Variants in TRAPPC6A observed in about 807,000 individuals in gnomAD.
TRAPPC6A encodes the protein trafficking protein particle complex subunit 6A, also known as TRAPP complex subunit 6A.
Under a neutral mutation model 20.8 loss-of-function variants are expected in TRAPPC6A, and 25 were observed. The ratio of observed to expected loss-of-function variants is 1.20; its 90% confidence interval spans 0.88 to 1.68. The LOEUF (loss-of-function observed/expected upper bound fraction) is 1.68. Ranked by LOEUF, TRAPPC6A falls within the 40% of genes most tolerant of loss-of-function variation. The pLI, the probability that TRAPPC6A is intolerant of heterozygous loss-of-function variation, is 0.00. For synonymous variants in TRAPPC6A, 96 were observed against 93.3 expected, an observed-to-expected ratio of 1.03 and a Z score of -0.16; for missense variants, 215 against 211.6, an observed-to-expected ratio of 1.02 and a Z score of -0.10.
intron 1 of TRAPPC6A, among the ~76,000 whole-genome samples, chr19:45,169,863 C>T (rs1220716278): frequency 1.3e-5 from 2 of 152,236 alleles, no homozygotes; most frequent in African/African-American, 4.8e-5. Flanking sequence ...TGGTGGAACA[C>T]GTCTGTGTCC....
intron 1 of TRAPPC6A, 60 bp downstream of exon 1, chr19:45,178,075 C>T (rs751010066): frequency 6.2e-5 from 100 of 1,610,012 alleles, no homozygotes; most frequent in Admixed American, 5.0e-5. Flanking sequence ...GCGCCCTCCG[C>T]TCTCCCAGAG....
chr19:45,165,660 C>A (rs1969136724), intron 1 of TRAPPC6A, among the ~76,000 whole-genome samples: 1 of 152,194 alleles, frequency 6.6e-6, no homozygotes, highest in Non-Finnish European at 1.5e-5. Context: ...TGGAAGTCAA[C>A]CATGATCATC....
Position 45,164,742 on chromosome 19 carries a change from AGCTCTGGGCGGGTCCCGGCAGCCGCT to A in TRAPPC6A, c.270+85_270+110del, listed in dbSNP as rs1236963300. ...CAAGAGCTGCGGCCGCCTGTGGGAA[AGCTCTGGGCGGGTCCCGGCAGCCGCT>A]GCTCTGGCGCCGGGGGATTCCCCTC... On this transcript the variant is annotated intron_variant, in intron 3 of 5. Coordinates refer to ENST00000585934, the MANE Select transcript of TRAPPC6A (RefSeq NM_001270891.2). The A allele has an allele frequency of 2.8e-5, 27 of 972,096 alleles. 1 individual carries two copies. In the African/African-American group the frequency reaches 3.5e-4, roughly 13 times the overall value. 60.2% of individuals were successfully genotyped at this position (972,096 alleles called of 1,614,324 possible). A position where few individuals can be genotyped will look rare whatever the true frequency, so the allele number is the denominator to read the frequency against.
At chr19:45,176,017 G>T (rs895762853) in intron 1 of TRAPPC6A, among the ~76,000 whole-genome samples, 2 of 152,038 alleles carry the variant, frequency 1.3e-5, no homozygotes, top group Non-Finnish European at 2.9e-5. Context: ...TTTAGAGACA[G>T]GGTCTCACTC....
Position 45,163,991 on chromosome 19 carries a change from C to T in TRAPPC6A, c.373G>A (p.Gly125Ser), listed in dbSNP as rs202226323. 49 of 1,575,426 alleles carry T rather than the reference C, an allele frequency of 3.1e-5. No homozygotes were observed. In the East Asian group the frequency reaches 6.9e-4, roughly 22 times the overall value. The change falls in exon 5 of 6, where the codon GGC becomes AGC. Residue 125 changes from glycine to serine, a missense_variant. By Grantham distance (56) the Gly-to-Ser change is moderately conservative. Coordinates refer to ENST00000585934, the MANE Select transcript of TRAPPC6A (RefSeq NM_001270891.2). This position sits in a 1 kb window ranked among gnomAD's most constrained non-coding sequence, Gnocchi z 5.3. ...GTATAGAGGGCGCCGCGCAGGAGGCCGCAGGTGAAGGCCAGGAACTGAGGA... is the reference window on the plus strand; with the variant it reads ...GTATAGAGGGCGCCGCGCAGGAGGCTGCAGGTGAAGGCCAGGAACTGAGGA... ...EAPKFLAFTC[G>S]LLRGALYTLG...
Position 45,173,557 on chromosome 19 carries a change from A to G in TRAPPC6A, c.84+4578T>C, listed in dbSNP as rs1187680759. 1.3e-5 allele frequency among the ~76,000 whole-genome samples: 2 copies of G among 152,202 alleles called. No individual in the cohort carries two copies. The highest frequency in any genetic ancestry group is 2.9e-5 in the Non-Finnish European group (2 of 68,034). ...CGAAATCCCTTCCTCTACCAAGCAC[A>G]GGGTCCCTCCTCTGTGAATCGGGAG... On this transcript the variant is annotated intron_variant, in intron 1 of 5. Coordinates refer to ENST00000585934, the MANE Select transcript of TRAPPC6A (RefSeq NM_001270891.2). The surrounding 1 kb of genome is among the most constrained non-coding windows in gnomAD (Gnocchi z 4.8).
intron 1 of TRAPPC6A, among the ~76,000 whole-genome samples, chr19:45,169,887 G>C (rs962743006): frequency 6.6e-6 from 1 of 152,210 alleles, no homozygotes; most frequent in Non-Finnish European, 1.5e-5. Flanking sequence ...CTCGCTAAGG[G>C]CTCCTTTATG....
intron 1 of TRAPPC6A, 114 bp downstream of exon 1, chr19:45,178,021 C>T: frequency 6.4e-7 from 1 of 1,554,906 alleles, no homozygotes; most frequent in Non-Finnish European, 8.7e-7. Context: ...AGACGTTGCC[C>T]TGCAAGGCCG....
chr19:45,176,652 T>C (rs1969382099), intron 1 of TRAPPC6A, among the ~76,000 whole-genome samples: 1 of 149,000 alleles, frequency 6.7e-6, no homozygotes, highest in South Asian at 2.1e-4. Flanking sequence ...TTTAAACTTA[T>C]GACAGGTTTG....
rs1969062633 is a variant in TRAPPC6A at position 45,163,568 on chromosome 19, G to A, written c.449-345C>T. On this transcript the variant is annotated intron_variant, in intron 5 of 5. Coordinates refer to ENST00000585934, the MANE Select transcript of TRAPPC6A (RefSeq NM_001270891.2). The surrounding 1 kb of genome is among the most constrained non-coding windows in gnomAD (Gnocchi z 5.3). ...TGGTGGGGCAGGCTGTCCCCAGGCA[G>A]GAATGGGGCTCCAGCTTGTCTGACA... 6.6e-6 allele frequency among the ~76,000 whole-genome samples: 1 copy of A among 152,130 alleles called. No homozygotes were observed. Among genetic ancestry groups the A allele is most frequent in the Non-Finnish European group, 1.5e-5 (1 of 68,002 alleles).
intron 1 of TRAPPC6A, among the ~76,000 whole-genome samples, chr19:45,177,644 C>T (rs1969418963): frequency 6.6e-6 from 1 of 152,086 alleles, no homozygotes; most frequent in African/African-American, 2.4e-5. Context: ...TATTTGACTC[C>T]CCTAGTGAAA....
At position 45,173,079 on chromosome 19, in the gene TRAPPC6A, G is replaced by A. The variant is rs1309179773; in HGVS notation, c.84+5056C>T. Among the ~76,000 whole-genome samples the A allele has an allele frequency of 1.3e-5, 2 of 151,556 alleles. No individual in the cohort carries two copies. Among genetic ancestry groups the A allele is most frequent in the Non-Finnish European group, 2.9e-5 (2 of 67,996 alleles). On this transcript the variant is annotated intron_variant, in intron 1 of 5. Coordinates refer to ENST00000585934, the MANE Select transcript of TRAPPC6A (RefSeq NM_001270891.2). This position sits in a 1 kb window ranked among gnomAD's most constrained non-coding sequence, Gnocchi z 4.8. ...GCCTGGCGCAGCAGGGCTATTCTCG[G>A]GGCGCCTCGGGCCTGGTCTCAGACA...
chr19:45,170,783 C>T (rs1385893345), intron 1 of TRAPPC6A, among the ~76,000 whole-genome samples: 2 of 152,194 alleles, frequency 1.3e-5, no homozygotes, highest in African/African-American at 4.8e-5. Context: ...CTGCTGGCCC[C>T]ACTGTACCCA....
chr19:45,176,751 T>C (rs1969383902), intron 1 of TRAPPC6A, among the ~76,000 whole-genome samples: 1 of 152,050 alleles, frequency 6.6e-6, no homozygotes, highest in African/African-American at 2.4e-5. Flanking sequence ...ATGTCTTACA[T>C]GGCCAGGTGC....
At chr19:45,167,227 C>T (rs943059460) in intron 1 of TRAPPC6A, among the ~76,000 whole-genome samples, 1 of 152,102 alleles carries the variant, frequency 6.6e-6, no homozygotes, top group Non-Finnish European at 1.5e-5. Context: ...CAAAGGACAC[C>T]GTAAGTCCTT....
intron 1 of TRAPPC6A, among the ~76,000 whole-genome samples, chr19:45,166,004 C>G (rs535638617): frequency 1.3e-5 from 2 of 152,014 alleles, no homozygotes; most frequent in African/African-American, 4.8e-5. Flanking sequence ...CTCCGCCTCC[C>G]GGGTTCTAGC....
chr19:45,163,766 G>GCA lies in TRAPPC6A; in HGVS notation c.448+148_448+149dup, dbSNP rs1969069031. The stretch of plus-strand genomic sequence containing the variant: ...GGCTGGCGACGTCACGGAGCCAGGG[G>GCA]CACAGATGGGCCTGCACCAGCCGTG... On this transcript the variant is annotated intron_variant, in intron 5 of 5. Coordinates refer to ENST00000585934, the MANE Select transcript of TRAPPC6A (RefSeq NM_001270891.2). This position sits in a 1 kb window ranked among gnomAD's most constrained non-coding sequence, Gnocchi z 5.3. The GCA allele has an allele frequency of 1.5e-6, 1 of 683,160 alleles. No individual in the cohort carries two copies. The highest frequency in any genetic ancestry group is 1.9e-5 in the South Asian group (1 of 52,394). 42.3% of individuals were successfully genotyped at this position (683,160 alleles called of 1,614,324 possible).
At chr19:45,177,563 A>G (rs1969416420) in intron 1 of TRAPPC6A, among the ~76,000 whole-genome samples, 1 of 151,974 alleles carries the variant, frequency 6.6e-6, no homozygotes, top group South Asian at 2.1e-4. Context: ...TCCTGACCTC[A>G]GGTGATCCGA....
chr19:45,167,490 G>A (rs182884200), intron 1 of TRAPPC6A, among the ~76,000 whole-genome samples: 209 of 152,304 alleles, frequency 1.4e-3, no homozygotes, highest in Non-Finnish European at 2.2e-3. Context: ...TGTAATTCCA[G>A]CACTTTGGGA....
Sources: allele counts gnomAD v4.1 joint callset (sites outside exome capture counted in the v4.1 genomes callset), GRCh38; gene constraint gnomAD v4.1.1; non-coding constraint Gnocchi (gnomAD v3.1); transcripts MANE v1.5; gene names NCBI Gene and HGNC (gene_info 2026-07-23, HGNC 2026-07-21).